Variants in SCAMP2 observed in about 807,000 individuals in gnomAD.
SCAMP2 encodes the protein secretory carrier membrane protein 2.
SCAMP2 carries 25 observed loss-of-function variants against 44.1 expected under a neutral mutation model. That is an observed-to-expected ratio of 0.57 (90% CI 0.41 to 0.79). The LOEUF (loss-of-function observed/expected upper bound fraction) is 0.79, where lower values mean the gene tolerates loss of function less well. Ranked by LOEUF, SCAMP2 falls within the 30% of genes least tolerant of loss-of-function variation. The pLI is 0.00. For missense variants in SCAMP2, 355 were observed against 411.0 expected (o/e 0.86, Z 1.18); for synonymous variants, 156 against 166.0 (o/e 0.94, Z 0.46).
chr15:74,856,548 T>C (rs570935959), intron 1 of SCAMP2, among the ~76,000 whole-genome samples: 1 of 151,576 alleles, frequency 6.6e-6, no homozygotes, highest in Non-Finnish European at 1.5e-5. Context: ...GTACTGGGAT[T>C]ACAGATGTGA....
intron 1 of SCAMP2, among the ~76,000 whole-genome samples, chr15:74,870,968 T>G (rs1321198640): frequency 1.3e-5 from 2 of 152,204 alleles, no homozygotes; most frequent in African/African-American, 4.8e-5. Flanking sequence ...TGAGTTAATG[T>G]GCCTGGTGAC....
intron 1 of SCAMP2, among the ~76,000 whole-genome samples, chr15:74,857,228 C>G (rs1160303827): frequency 6.6e-6 from 1 of 152,226 alleles, no homozygotes; most frequent in East Asian, 1.9e-4. Context: ...TCCTCTGCGA[C>G]AGACTGTGGC....
At chr15:74,868,538 T>C (rs1012083198) in intron 1 of SCAMP2, among the ~76,000 whole-genome samples, 12 of 152,190 alleles carry the variant, frequency 7.9e-5, no homozygotes, top group African/African-American at 2.9e-4. Context: ...CTTGTGAATC[T>C]TTATTTTGGT....
intron 1 of SCAMP2, among the ~76,000 whole-genome samples, chr15:74,869,187 G>A (rs899156127): frequency 2.0e-5 from 3 of 151,908 alleles, no homozygotes; most frequent in African/African-American, 7.3e-5. Context: ...AAACGAAATA[G>A]GTAGCAATTC....
chr15:74,847,679 G>A (rs2064408801), intron 7 of SCAMP2, among the ~76,000 whole-genome samples: 1 of 152,216 alleles, frequency 6.6e-6, no homozygotes, highest in Non-Finnish European at 1.5e-5. Context: ...CAGGCTGTCA[G>A]CCAAGTGCCA....
At chr15:74,846,587 C>T (rs1392911818) in intron 7 of SCAMP2, among the ~76,000 whole-genome samples, 1 of 152,086 alleles carries the variant, frequency 6.6e-6, no homozygotes, top group Non-Finnish European at 1.5e-5. Context: ...CACAGTGAAA[C>T]CCCATCTCTA....
At chr15:74,851,293 TG>T in intron 5 of SCAMP2, 59 bp downstream of exon 5, 1 of 1,584,360 alleles carries the variant, frequency 6.3e-7, no homozygotes, top group Non-Finnish European at 8.6e-7. Flanking sequence ...AGGACCAAGA[TG>T]GGGCTCTCAA....
chr15:74,858,013 C>A (rs2064478165), intron 1 of SCAMP2, among the ~76,000 whole-genome samples: 1 of 152,224 alleles, frequency 6.6e-6, no homozygotes, highest in African/African-American at 2.4e-5. Flanking sequence ...GGCCTGGAAG[C>A]ACGTTGCCTA....
Position 74,848,598 on chromosome 15 carries a change from A to T in SCAMP2, c.734+2T>A. ...ATTCCCTCTGTGATGCCCAGGTCTC[A>T]CCTGTCCCCCAGGCCAGGGATGCCA... On this transcript the variant is annotated splice_donor_variant, in intron 7 of 8. Coordinates refer to ENST00000268099, the MANE Select transcript of SCAMP2 (RefSeq NM_005697.5). LOFTEE classifies it high-confidence loss of function. 2 of 1,580,652 alleles carry T rather than the reference A, an allele frequency of 1.3e-6. No homozygotes were observed. Among genetic ancestry groups the T allele is most frequent in the South Asian group, 2.2e-5 (2 of 90,314 alleles).
chr15:74,859,000 A>AG (rs1403246779), intron 1 of SCAMP2, among the ~76,000 whole-genome samples: 1 of 151,400 alleles, frequency 6.6e-6, no homozygotes, highest in Admixed American at 6.6e-5. Flanking sequence ...TAGTAGAGAT[A>AG]GGTTTCACTG....
rs1260554369 is a variant in SCAMP2, at chr15:74,843,900, A to C, written c.*1183T>G. 6.7e-6 allele frequency: 1 copy of C among 150,070 alleles called. No individual in the cohort carries two copies. 9.3% of individuals were successfully genotyped at this position (150,070 alleles called of 1,614,324 possible). ...TGTCTCGGGCCCAGAGCCGGAGGCT[A>C]GTTTTGTGGGAAGGCACCCCAGTCC... On this transcript the variant is annotated 3_prime_UTR_variant, in exon 9 of 9. Transcript: ENST00000268099.
chr15:74,871,502 C>T (rs1723862879), intron 1 of SCAMP2, among the ~76,000 whole-genome samples: 1 of 152,026 alleles, frequency 6.6e-6, no homozygotes, highest in Non-Finnish European at 1.5e-5. Context: ...CCTGTAATCC[C>T]AGCACTTTGG....
Position 74,873,323 on chromosome 15 carries a change from C to T in SCAMP2, c.-68G>A, listed in dbSNP as rs1260658673. ...CTCCGGGCACCCAGACCCAGCGGCG[C>T]TTCGTGTAGACCCTCCACTTCCGGG... On this transcript the variant is annotated 5_prime_UTR_variant, in exon 1 of 9. Transcript: ENST00000268099. 1.5e-6 allele frequency: 2 copies of T among 1,378,664 alleles called. No individual in the cohort carries two copies. Among genetic ancestry groups the T allele is most frequent in the Non-Finnish European group, 1.9e-6 (2 of 1,044,464 alleles). 85.4% of individuals were successfully genotyped at this position (1,378,664 alleles called of 1,614,324 possible).
intron 1 of SCAMP2, among the ~76,000 whole-genome samples, chr15:74,857,652 T>G (rs1379526433): frequency 6.6e-6 from 1 of 152,188 alleles, no homozygotes; most frequent in Non-Finnish European, 1.5e-5. Flanking sequence ...CCTTTATGAA[T>G]GGCAGACAGA....
intron 7 of SCAMP2, among the ~76,000 whole-genome samples, chr15:74,848,013 T>G (rs2064410889): frequency 6.6e-6 from 1 of 150,626 alleles, no homozygotes; most frequent in African/African-American, 2.4e-5. Flanking sequence ...GCCTAAAGAG[T>G]CAAGCCAAGT....
chr15:74,845,598 A>G lies in SCAMP2; in HGVS notation c.735-5T>C. On this transcript the variant is annotated splice_polypyrimidine_tract_variant and splice_region_variant and intron_variant, in intron 7 of 8. Coordinates refer to ENST00000268099, the MANE Select transcript of SCAMP2 (RefSeq NM_005697.5). The stretch of plus-strand genomic sequence containing the variant: ...GACAGGGCTGCAATCCAACCGCTAT[A>G]AAGGGAAGAAGAGGCCAGAGGGAGC... 6.2e-7 allele frequency: 1 copy of G among 1,613,826 alleles called. No individual in the cohort carries two copies. Among genetic ancestry groups the G allele is most frequent in the South Asian group, 1.1e-5 (1 of 91,074 alleles).
At position 74,873,280 on chromosome 15, in the gene SCAMP2, C is replaced by A; in HGVS notation, c.-25G>T. ...TGGTGATCGGGGGCCAGCGGGCGAA[C>A]TCCGCGAACGCTGCTGCCTCCGGGC... On this transcript the variant is annotated 5_prime_UTR_variant, in exon 1 of 9. Transcript: ENST00000268099. 2.0e-6 allele frequency: 3 copies of A among 1,478,076 alleles called. No homozygotes were observed. The highest frequency in any genetic ancestry group is 2.7e-6 in the Non-Finnish European group (3 of 1,118,716). 91.6% of individuals were successfully genotyped at this position (1,478,076 alleles called of 1,614,324 possible).
intron 1 of SCAMP2, among the ~76,000 whole-genome samples, chr15:74,857,297 T>C (rs2064474400): frequency 1.3e-5 from 2 of 152,168 alleles, no homozygotes; most frequent in South Asian, 4.1e-4. Flanking sequence ...TTGGACAAAG[T>C]GACAAGGTGA....
intron 1 of SCAMP2, among the ~76,000 whole-genome samples, chr15:74,864,684 G>A (rs1748432063): frequency 6.6e-6 from 1 of 152,098 alleles, no homozygotes; most frequent in Admixed American, 6.6e-5. Context: ...ATGGAGAAGA[G>A]GAACAAGAGG....
Sources: allele counts gnomAD v4.1 joint callset (sites outside exome capture counted in the v4.1 genomes callset), GRCh38; gene constraint gnomAD v4.1.1; transcripts MANE v1.5; gene names NCBI Gene and HGNC (gene_info 2026-07-23, HGNC 2026-07-21).